The following DRAM1 variants were observed in gnomAD, a reference collection of about 807,000 sequenced individuals.
DRAM1 encodes the protein DNA damage regulated autophagy modulator 1.
In DRAM1, 25 loss-of-function variants were observed where a neutral mutation model predicts 28.5. The ratio of observed to expected loss-of-function variants is 0.88; its 90% confidence interval spans 0.64 to 1.23. The LOEUF (loss-of-function observed/expected upper bound fraction) is 1.23, where lower values mean the gene tolerates loss of function less well. Ranked by LOEUF, DRAM1 falls within the 50% of genes most tolerant of loss-of-function variation. The probability of loss-of-function intolerance (pLI) is 0.00; values close to 1 mark genes in which losing one functional copy is unlikely to be tolerated. For missense variants in DRAM1, 249 were observed against 299.2 expected, an observed-to-expected ratio of 0.83 and a Z score of 1.24; for synonymous variants, 113 against 114.2, an observed-to-expected ratio of 0.99 and a Z score of 0.07.
intron 1 of DRAM1, among the ~76,000 whole-genome samples, chr12:101,892,424 TTG>T (rs760026863): frequency 0.37 from 24,484 of 66,474 alleles, 2,803 homozygotes; most frequent in African/African-American, 0.57. Context: ...TTTTTTTTTT[TTG>T]TATTTTTAGT....
intron 1 of DRAM1, among the ~76,000 whole-genome samples, chr12:101,884,468 C>T (rs1384007653): frequency 2.0e-5 from 3 of 147,916 alleles, no homozygotes; most frequent in African/African-American, 7.4e-5. Flanking sequence ...AAATTATTAA[C>T]TTTTTCCAGC....
chr12:101,920,264 G>A, intron 6 of DRAM1, 63 bp downstream of exon 6: 1 of 1,142,168 alleles, frequency 8.8e-7, no homozygotes, highest in Non-Finnish European at 1.3e-6. Context: ...AAAATTTGCA[G>A]AAGACATTTT....
chr12:101,905,245 G>A (rs947321410), intron 3 of DRAM1, among the ~76,000 whole-genome samples: 1 of 152,070 alleles, frequency 6.6e-6, no homozygotes, highest in Non-Finnish European at 1.5e-5. Context: ...ATATGCCTAT[G>A]TTAGGAATCT....
intron 3 of DRAM1, among the ~76,000 whole-genome samples, chr12:101,903,784 C>T (rs1488681631): frequency 2.0e-5 from 3 of 151,938 alleles, no homozygotes; most frequent in Admixed American, 6.6e-5. Flanking sequence ...ACATCTACAG[C>T]CAGGTGTGGT....
chr12:101,877,731 A>C lies in DRAM1; in HGVS notation c.-59A>C. 1 of 1,329,210 alleles carries C rather than the reference A, an allele frequency of 7.5e-7. No individual in the cohort carries two copies. The highest frequency in any genetic ancestry group is 1.5e-5 in the African/African-American group (1 of 65,040). 82.3% of individuals were successfully genotyped at this position (1,329,210 alleles called of 1,614,324 possible). A position where few individuals can be genotyped will look rare whatever the true frequency, so the allele number is the denominator to read the frequency against. On this transcript the variant is annotated 5_prime_UTR_variant, in exon 1 of 7. Coordinates refer to ENST00000258534, the MANE Select transcript of DRAM1 (RefSeq NM_018370.3). This position sits in a 1 kb window ranked among gnomAD's most constrained non-coding sequence, Gnocchi z 4.1. ...CGGCCGCCGCCTCCAGGCAGCCCGG[A>C]GCAACCCGGCGCCCGGCCCCGCTGG...
At chr12:101,890,297 A>G (rs181760072) in intron 1 of DRAM1, 3 of 293,956 alleles carry the variant, frequency 1.0e-5, no homozygotes, top group East Asian at 1.2e-4. Flanking sequence ...CCAGGCTGCT[A>G]TCAAACTCCT....
intron 1 of DRAM1, among the ~76,000 whole-genome samples, chr12:101,894,558 T>C (rs1421455192): frequency 6.6e-6 from 1 of 152,152 alleles, no homozygotes; most frequent in Admixed American, 6.6e-5. Context: ...GGCCTCCACC[T>C]GTATGGTTTT....
At chr12:101,894,258 C>T (rs4764666) in intron 1 of DRAM1, among the ~76,000 whole-genome samples, 77,905 of 151,846 alleles carry the variant, frequency 0.51, 20,479 homozygotes, top group East Asian at 0.63. Flanking sequence ...GCTGGGATTA[C>T]AGGCATGCAC....
intron 5 of DRAM1, among the ~76,000 whole-genome samples, chr12:101,918,684 G>A (rs1371805905): frequency 6.6e-6 from 1 of 152,228 alleles, no homozygotes; most frequent in Non-Finnish European, 1.5e-5. Context: ...GGGTAGAAGA[G>A]CAGTGGGCTC....
chr12:101,919,805 C>G (rs1247169625), intron 5 of DRAM1, among the ~76,000 whole-genome samples: 3 of 152,150 alleles, frequency 2.0e-5, no homozygotes, highest in Non-Finnish European at 2.9e-5. Flanking sequence ...CTGTTGAGTC[C>G]AAATTTGCTT....
intron 2 of DRAM1, among the ~76,000 whole-genome samples, chr12:101,898,230 C>T (rs111791862): frequency 3.3e-5 from 5 of 152,084 alleles, no homozygotes; most frequent in South Asian, 2.1e-4. Flanking sequence ...ACCATGTTGC[C>T]AGGCTGGCCT....
At chr12:101,918,224 G>A (rs1179363968) in intron 5 of DRAM1, among the ~76,000 whole-genome samples, 1 of 152,224 alleles carries the variant, frequency 6.6e-6, no homozygotes, top group Non-Finnish European at 1.5e-5. Context: ...TTGGTAGGGG[G>A]AGGTGAGAAT....
intron 1 of DRAM1, among the ~76,000 whole-genome samples, chr12:101,897,371 TG>T (rs1170826883): frequency 1.3e-5 from 2 of 151,856 alleles, no homozygotes; most frequent in African/African-American, 4.8e-5. Context: ...GGCTAATTTT[TG>T]TATTTTTAGT....
intron 1 of DRAM1, among the ~76,000 whole-genome samples, chr12:101,883,189 T>A (rs1423130192): frequency 6.6e-6 from 1 of 151,092 alleles, no homozygotes; most frequent in Non-Finnish European, 1.5e-5. Context: ...ATAAAGAAAC[T>A]AATGAAAGTG....
intron 1 of DRAM1, among the ~76,000 whole-genome samples, chr12:101,882,835 C>CTTT (rs35171315): frequency 2.7e-5 from 3 of 112,576 alleles, no homozygotes; most frequent in Non-Finnish European, 5.2e-5. Flanking sequence ...ATGCAACAGC[C>CTTT]TTTTTTTTTT....
rs1303870049 is a variant in DRAM1, at chr12:101,921,798, A to G, written c.*538A>G. ...TTAGTTGATACATTAACACTAAGAT[A>G]CTCTGATTTTTAGCCGAACTAAACA... On this transcript the variant is annotated 3_prime_UTR_variant, in exon 7 of 7. Transcript: ENST00000258534. The G allele has an allele frequency of 2.0e-5, 3 of 152,856 alleles. No homozygotes were observed. Among genetic ancestry groups the G allele is most frequent in the Admixed American group, 6.5e-5 (1 of 15,282 alleles). The allele number at this position is 152,856 out of a possible 1,614,324, so 9.5% of individuals were successfully genotyped here. A position where few individuals can be genotyped will look rare whatever the true frequency, so the allele number is the denominator to read the frequency against.
chr12:101,899,556 G>A (rs1375231484), intron 2 of DRAM1, among the ~76,000 whole-genome samples: 1 of 151,910 alleles, frequency 6.6e-6, no homozygotes, highest in African/African-American at 2.4e-5. Flanking sequence ...ATGTGTGCCT[G>A]TAGTTCCAGC....
At chr12:101,904,198 G>A (rs1363908242) in intron 3 of DRAM1, among the ~76,000 whole-genome samples, 1 of 151,774 alleles carries the variant, frequency 6.6e-6, no homozygotes, top group Non-Finnish European at 1.5e-5. Context: ...CGCCATGTTG[G>A]CCAGGCATGT....
intron 1 of DRAM1, among the ~76,000 whole-genome samples, chr12:101,879,435 A>G (rs1483676641): frequency 2.0e-5 from 3 of 152,108 alleles, no homozygotes; most frequent in Non-Finnish European, 2.9e-5. Flanking sequence ...GGTTTTTTCC[A>G]TTTATTGTTA....
Sources: allele counts gnomAD v4.1 joint callset (sites outside exome capture counted in the v4.1 genomes callset), GRCh38; gene constraint gnomAD v4.1.1; non-coding constraint Gnocchi (gnomAD v3.1); transcripts MANE v1.5; gene names NCBI Gene and HGNC (gene_info 2026-07-23, HGNC 2026-07-21).